Variants in PPM1L observed in about 807,000 individuals in gnomAD.
The protein encoded by PPM1L is protein phosphatase, Mg2+/Mn2+ dependent 1L, also known as protein phosphatase 1L.
A neutral mutation model predicts 31.4 loss-of-function variants in PPM1L; 13 were observed. That is an observed-to-expected ratio of 0.41 (90% CI 0.27 to 0.66). PPM1L has a LOEUF of 0.66. Among genes scored for constraint, PPM1L ranks in the 30% least tolerant of loss-of-function variants. The pLI is 0.29. For missense variants in PPM1L, 326 were observed against 453.7 expected (o/e 0.72, Z 2.56); for synonymous variants, 184 against 175.4 (o/e 1.05, Z -0.39).
intron 1 of PPM1L, among the ~76,000 whole-genome samples, chr3:160,835,054 T>A (rs1713661012): frequency 6.8e-6 from 1 of 148,042 alleles, no homozygotes; most frequent in Non-Finnish European, 1.5e-5. Context: ...TTCTTCTTCT[T>A]CTTCTTCTTC....
At chr3:160,949,719 C>T (rs1715515604) in intron 1 of PPM1L, among the ~76,000 whole-genome samples, 1 of 152,098 alleles carries the variant, frequency 6.6e-6, no homozygotes. Context: ...CTGCTAGTTG[C>T]TCATAAACTA....
At chr3:160,775,414 T>C (rs1711540208) in intron 1 of PPM1L, among the ~76,000 whole-genome samples, 1 of 152,230 alleles carries the variant, frequency 6.6e-6, no homozygotes, top group South Asian at 2.1e-4. Context: ...GAGGAGATAA[T>C]TTATTTATAC....
intron 1 of PPM1L, among the ~76,000 whole-genome samples, chr3:160,888,882 A>C (rs1166093653): frequency 2.0e-5 from 3 of 152,212 alleles, no homozygotes; most frequent in African/African-American, 7.2e-5. Context: ...CTGGATAAAT[A>C]ATGAAATTAG....
chr3:160,833,058 T>C (rs1441577273), intron 1 of PPM1L, among the ~76,000 whole-genome samples: 2 of 152,228 alleles, frequency 1.3e-5, no homozygotes, highest in Non-Finnish European at 2.9e-5. Flanking sequence ...CTGAAGATAA[T>C]GTCTTCCAGC....
chr3:160,783,102 G>A (rs1016858717), intron 1 of PPM1L, among the ~76,000 whole-genome samples: 4 of 152,264 alleles, frequency 2.6e-5, no homozygotes, highest in Non-Finnish European at 5.9e-5. Flanking sequence ...ATCAAAGAAG[G>A]CCACAATCCT....
At chr3:160,903,208 T>TGTGTGTGTGTG (rs1553819694) in intron 1 of PPM1L, among the ~76,000 whole-genome samples, 1 of 120,106 alleles carries the variant, frequency 8.3e-6, no homozygotes, top group African/African-American at 3.1e-5. Flanking sequence ...GTGTGTATGT[T>TGTGTGTGTGTG]TGTGTGTGTG....
At chr3:161,010,668 C>T (rs1717864173) in intron 2 of PPM1L, among the ~76,000 whole-genome samples, 2 of 152,204 alleles carry the variant, frequency 1.3e-5, no homozygotes. Context: ...TATTTCTCCA[C>T]ATCCTCTCCA....
intron 1 of PPM1L, among the ~76,000 whole-genome samples, chr3:160,878,993 A>C (rs183341227): frequency 2.8e-4 from 42 of 152,342 alleles, no homozygotes; most frequent in South Asian, 1.9e-3. Context: ...AATTATTAGC[A>C]ACTGAGCAAC....
At chr3:160,899,179 G>A (rs886735119) in intron 1 of PPM1L, among the ~76,000 whole-genome samples, 9 of 152,118 alleles carry the variant, frequency 5.9e-5, no homozygotes, top group Non-Finnish European at 1.0e-4. Flanking sequence ...GGTAGAAAAT[G>A]GCAGGGCTAA....
At chr3:160,918,981 C>T (rs1278717735) in intron 1 of PPM1L, among the ~76,000 whole-genome samples, 2 of 152,090 alleles carry the variant, frequency 1.3e-5, no homozygotes, top group Non-Finnish European at 2.9e-5. Context: ...GTTTAAAGTG[C>T]AGTACCAGGA....
At chr3:161,050,943 C>G (rs906261040) in intron 2 of PPM1L, among the ~76,000 whole-genome samples, 2 of 152,180 alleles carry the variant, frequency 1.3e-5, no homozygotes, top group African/African-American at 2.4e-5. Context: ...AAGTGAATTA[C>G]AAAGAAATCC....
chr3:160,979,068 G>T (rs1410326223), intron 2 of PPM1L, among the ~76,000 whole-genome samples: 1 of 151,838 alleles, frequency 6.6e-6, no homozygotes, highest in Non-Finnish European at 1.5e-5. Context: ...AAGATGTTTT[G>T]TTTGATGTAA....
intron 1 of PPM1L, among the ~76,000 whole-genome samples, chr3:160,850,889 G>GT (rs1344802640): frequency 3.3e-5 from 5 of 150,066 alleles, no homozygotes; most frequent in Middle Eastern, 3.4e-3. Flanking sequence ...TTTGGTGGGG[G>GT]GGGGGTCATT....
rs989402964 is a variant in PPM1L at position 160,971,246 on chromosome 3, G to A, written c.574+9336G>A. Among the ~76,000 whole-genome samples, 8 of 152,276 alleles carry A rather than the reference G, an allele frequency of 5.3e-5. No homozygotes were observed. In the East Asian group the frequency reaches 1.5e-3, roughly 29 times the overall value. On this transcript the variant is annotated intron_variant, in intron 2 of 3. Transcript: ENST00000498165. ...ACTGTAAAATAAAGGTATTGGATTA[G>A]ATATTTTCTTAAATCTCTTCCAGTC... is the stretch of plus-strand genomic sequence containing the variant.
intron 1 of PPM1L, among the ~76,000 whole-genome samples, chr3:160,958,617 C>A (rs1321525205): frequency 1.3e-5 from 2 of 152,158 alleles, no homozygotes; most frequent in African/African-American, 4.8e-5. Flanking sequence ...ATATGTTGCA[C>A]AAATGTGCTG....
chr3:160,866,789 T>G (rs1273096429), intron 1 of PPM1L, among the ~76,000 whole-genome samples: 2 of 152,220 alleles, frequency 1.3e-5, no homozygotes, highest in African/African-American at 4.8e-5. Flanking sequence ...TCTTTGTAAT[T>G]CATAATCTCT....
chr3:160,831,929 G>A (rs1411711336), intron 1 of PPM1L, among the ~76,000 whole-genome samples: 2 of 152,176 alleles, frequency 1.3e-5, no homozygotes, highest in South Asian at 2.1e-4. Context: ...CAGGTACCCT[G>A]TATTGTTCTA....
At chr3:160,793,597 A>G (rs1712161451) in intron 1 of PPM1L, among the ~76,000 whole-genome samples, 1 of 152,162 alleles carries the variant, frequency 6.6e-6, no homozygotes, top group African/African-American at 2.4e-5. Context: ...AGCTCAGTAA[A>G]GTGTGCGTGT....
intron 1 of PPM1L, among the ~76,000 whole-genome samples, chr3:160,808,030 T>G (rs190065612): frequency 6.6e-6 from 1 of 152,342 alleles, no homozygotes; most frequent in African/African-American, 2.4e-5. Flanking sequence ...TTCTTTGGAT[T>G]TATTTTTAAC....
Sources: gnomAD v4.1 joint callset for allele counts (sites outside exome capture counted in the v4.1 genomes callset) on GRCh38, gnomAD v4.1.1 for gene constraint, MANE v1.5 for transcripts, NCBI Gene and HGNC (gene_info 2026-07-23, HGNC 2026-07-21) for gene names.